Variants in SOX5 observed in about 807,000 individuals in gnomAD.
SOX5 encodes the protein transcription factor SOX-5.
SOX5 carries 9 observed loss-of-function variants against 92.0 expected under a neutral mutation model. The ratio of observed to expected loss-of-function variants is 0.10; its 90% CI spans 0.06 to 0.17. The LOEUF (loss-of-function observed/expected upper bound fraction) is 0.17. SOX5 is among the 10% of genes least tolerant of loss of function. The pLI, the probability that SOX5 is intolerant of heterozygous loss-of-function variation, is 1.00. For missense variants in SOX5, 642 were observed against 944.5 expected (o/e 0.68, Z 4.20); for synonymous variants, 344 against 336.3 (o/e 1.02, Z -0.25).
At chr12:24,128,500 CA>C (rs553558525) in intron 4 of SOX5, among the ~76,000 whole-genome samples, 3 of 151,934 alleles carry the variant, frequency 2.0e-5, no homozygotes, top group East Asian at 3.9e-4. Flanking sequence ...GATAGGGTAG[CA>C]AAAAAAGACC....
chr12:24,091,145 C>T (rs1464244804), intron 4 of SOX5, among the ~76,000 whole-genome samples: 3 of 152,116 alleles, frequency 2.0e-5, no homozygotes, highest in Admixed American at 1.3e-4. Flanking sequence ...GAAGAAATCA[C>T]AATGTTTCAG....
At chr12:23,782,603 C>T (rs1378716878) in intron 3 of SOX5, among the ~76,000 whole-genome samples, 1 of 152,076 alleles carries the variant, frequency 6.6e-6, no homozygotes, top group Non-Finnish European at 1.5e-5. Flanking sequence ...AAGGCCATCC[C>T]TATTGTTGAA....
At chr12:23,903,677 T>A in intron 1 of SOX5, among the ~76,000 whole-genome samples, 1 of 152,328 alleles carries the variant, frequency 6.6e-6, no homozygotes, top group South Asian at 2.1e-4. Context: ...AAATTGGCAA[T>A]TCAAAGAGAA....
intron 8 of SOX5, chr12:23,638,113 C>T (rs10842196): frequency 0.84 from 128,161 of 152,078 alleles, 54,311 homozygotes; most frequent in African/African-American, 0.92. Context: ...CAGACCTGGC[C>T]ACCCCTCTCT....
chr12:24,055,804 C>T (rs1379378028), intron 4 of SOX5, among the ~76,000 whole-genome samples: 1 of 152,080 alleles, frequency 6.6e-6, no homozygotes, highest in Non-Finnish European at 1.5e-5. Flanking sequence ...ACAATGACAC[C>T]TAGGAGTTAC....
intron 3 of SOX5, among the ~76,000 whole-genome samples, chr12:23,761,278 A>G (rs1013086073): frequency 6.6e-6 from 1 of 152,168 alleles, no homozygotes; most frequent in Admixed American, 6.6e-5. Context: ...TAAATGGAAC[A>G]TAAATGGTTT....
intron 1 of SOX5, among the ~76,000 whole-genome samples, chr12:23,936,462 G>C (rs1942575678): frequency 6.6e-6 from 1 of 150,896 alleles, no homozygotes; most frequent in Non-Finnish European, 1.5e-5. Context: ...CTGTGAATGT[G>C]AGTGTTAACT....
chr12:23,765,204 T>A (rs183966978), intron 3 of SOX5, among the ~76,000 whole-genome samples: 2 of 151,978 alleles, frequency 1.3e-5, no homozygotes, highest in Non-Finnish European at 2.9e-5. Flanking sequence ...TGGTCTCTTA[T>A]AACCTTTCAT....
chr12:24,545,018 C>T (rs937543903), intron 1 of SOX5, among the ~76,000 whole-genome samples: 26 of 151,982 alleles, frequency 1.7e-4, no homozygotes, highest in African/African-American at 6.0e-4. Context: ...TTTTTATTGA[C>T]GGTTTATATA....
chr12:23,967,667 G>C (rs954170105), intron 4 of SOX5, among the ~76,000 whole-genome samples: 2 of 152,100 alleles, frequency 1.3e-5, no homozygotes, highest in Admixed American at 1.3e-4. Flanking sequence ...TGAGATGATA[G>C]TTAGTGTAAA....
At chr12:23,821,475 G>T (rs1446613155) in intron 3 of SOX5, among the ~76,000 whole-genome samples, 6 of 152,198 alleles carry the variant, frequency 3.9e-5, no homozygotes, top group Non-Finnish European at 7.3e-5. Context: ...AATAGGAGTG[G>T]AGAGAGAGGG....
At chr12:24,296,998 C>A (rs1456850898) in intron 2 of SOX5, among the ~76,000 whole-genome samples, 1 of 151,932 alleles carries the variant, frequency 6.6e-6, no homozygotes, top group African/African-American at 2.4e-5. Flanking sequence ...CTAATCTACT[C>A]ATTACCCTAA....
intron 3 of SOX5, among the ~76,000 whole-genome samples, chr12:23,764,791 A>G (rs868604825): frequency 1.3e-5 from 2 of 152,118 alleles, no homozygotes; most frequent in Non-Finnish European, 2.9e-5. Context: ...TAGAATAAGA[A>G]TTTCAATACT....
At chr12:23,599,061 T>C (rs770495559) in intron 9 of SOX5, among the ~76,000 whole-genome samples, 1 of 152,226 alleles carries the variant, frequency 6.6e-6, no homozygotes, top group Non-Finnish European at 1.5e-5. Context: ...TAACGTTTAC[T>C]TGATAGCGTG....
At chr12:24,212,643 G>A in intron 4 of SOX5, 1 of 357,666 alleles carries the variant, frequency 2.8e-6, no homozygotes, top group South Asian at 2.3e-5. Flanking sequence ...ACAGCCATTA[G>A]CCACAATCAT....
intron 7 of SOX5, among the ~76,000 whole-genome samples, chr12:23,659,979 G>GAA (rs2082824347): frequency 6.6e-6 from 1 of 152,006 alleles, no homozygotes; most frequent in Admixed American, 6.6e-5. Context: ...AAAAAGAAAA[G>GAA]AAAAAGTTTA....
At chr12:24,480,150 T>C (rs1945826306) in intron 1 of SOX5, among the ~76,000 whole-genome samples, 2 of 151,908 alleles carry the variant, frequency 1.3e-5, no homozygotes, top group South Asian at 4.2e-4. Flanking sequence ...GCCAAGAACA[T>C]ACACTGGAAA....
chr12:24,230,290 T>G (rs562055547), intron 3 of SOX5, among the ~76,000 whole-genome samples: 1 of 152,220 alleles, frequency 6.6e-6, no homozygotes, highest in Admixed American at 6.5e-5. Flanking sequence ...TTGCTGCTCC[T>G]GGCCCAGACC....
chr12:24,085,698 C>T (rs917728870), intron 4 of SOX5, among the ~76,000 whole-genome samples: 1 of 151,468 alleles, frequency 6.6e-6, no homozygotes. Context: ...GTCTCACCAA[C>T]GTAATTCTTA....
Sources: allele counts gnomAD v4.1 joint callset (sites outside exome capture counted in the v4.1 genomes callset), GRCh38; gene constraint gnomAD v4.1.1; transcripts MANE v1.5; gene names NCBI Gene and HGNC (gene_info 2026-07-23, HGNC 2026-07-21).